SLC16A14: variants seen among roughly 807,000 people sequenced by gnomAD.
SLC16A14 encodes the protein solute carrier family 16 member 14.
SLC16A14 carries 14 observed loss-of-function variants against 35.8 expected under a neutral mutation model. The observed-to-expected ratio is 0.39, with a 90% confidence interval of 0.26 to 0.61. The LOEUF (loss-of-function observed/expected upper bound fraction) is 0.61, where lower values mean the gene tolerates loss of function less well. SLC16A14 is among the 20% of genes least tolerant of loss of function. The pLI, the probability that SLC16A14 is intolerant of heterozygous loss-of-function variation, is 0.51. For missense variants in SLC16A14, 533 were observed against 655.0 expected, an observed-to-expected ratio of 0.81 and a Z score of 2.03; for synonymous variants, 248 against 258.9, an observed-to-expected ratio of 0.96 and a Z score of 0.40.
intron 4 of SLC16A14, among the ~76,000 whole-genome samples, chr2:230,044,687 AGAT>A (rs1432391039): frequency 6.7e-6 from 1 of 148,436 alleles, no homozygotes; most frequent in Non-Finnish European, 1.5e-5. Context: ...CAGAACAGTA[AGAT>A]AATAAGTCTG....
chr2:230,053,506 G>C (rs771682517), intron 2 of SLC16A14, among the ~76,000 whole-genome samples: 1 of 152,156 alleles, frequency 6.6e-6, no homozygotes, highest in East Asian at 1.9e-4. Flanking sequence ...GTCCTGGCCA[G>C]GTGTGGTGGT....
At position 230,046,597 on chromosome 2, in the gene SLC16A14, C is replaced by A; in HGVS notation, c.529G>T (p.Val177Leu). The change falls in exon 4 of 5, where the codon GTG becomes TTG. Residue 177 changes from valine (V) to leucine (L), a missense_variant. Physicochemically the swap from Val to Leu is conservative, Grantham distance 32. Transcript: ENST00000295190. The surrounding 1 kb of genome is among the most constrained non-coding windows in gnomAD (Gnocchi z 5.0). ...TCTGCGCACAGGTACTTCAGCAGCACAGTCATTAGGAACGTACCGAATCCG... is the reference window on the plus strand; with the variant it reads ...TCTGCGCACAGGTACTTCAGCAGCAAAGTCATTAGGAACGTACCGAATCCG... ...GTGFGTFLMT[V>L]LLKYLCAEYG... The A allele has an allele frequency of 6.2e-7, 1 of 1,613,912 alleles. No homozygotes were observed. Among genetic ancestry groups the A allele is most frequent in the Non-Finnish European group, 8.5e-7 (1 of 1,180,040 alleles).
In SLC16A14 at chr2:230,039,012, G is replaced by A. The variant is rs140299226; in HGVS notation, c.1382-1481C>T. On this transcript the variant is annotated intron_variant, in intron 4 of 4. Coordinates refer to ENST00000295190, the MANE Select transcript of SLC16A14 (RefSeq NM_152527.5). Reference sequence around the variant, plus strand: ...AAAAATCGAATTGGCAAATGAATGCGTAAATGCACTTAAACTTCTCCCATC... The same window carrying A: ...AAAAATCGAATTGGCAAATGAATGCATAAATGCACTTAAACTTCTCCCATC... Among the ~76,000 whole-genome samples the A allele has an allele frequency of 7.3e-3, 1,108 of 152,094 alleles. 9 individuals are homozygous for A. Among genetic ancestry groups the A allele is most frequent in the Non-Finnish European group, 0.011 (729 of 67,994 alleles).
intron 2 of SLC16A14, among the ~76,000 whole-genome samples, chr2:230,051,654 A>G (rs979720312): frequency 1.3e-5 from 2 of 152,220 alleles, no homozygotes; most frequent in Non-Finnish European, 2.9e-5. Flanking sequence ...TGATCATTAC[A>G]AAGTTATGAA....
At chr2:230,040,537 A>T (rs553700035) in intron 4 of SLC16A14, among the ~76,000 whole-genome samples, 22 of 152,156 alleles carry the variant, frequency 1.4e-4, no homozygotes, top group African/African-American at 5.1e-4. Flanking sequence ...CATTATTATT[A>T]TTATTTTTTT....
chr2:230,036,699 T>C lies in SLC16A14; in HGVS notation c.*681A>G, dbSNP rs1577379061. 2.0e-5 allele frequency: 3 copies of C among 152,366 alleles called. No homozygotes were observed. The highest frequency in any genetic ancestry group is 4.1e-4 in the South Asian group (2 of 4,830). 9.4% of individuals were successfully genotyped at this position (152,366 alleles called of 1,614,324 possible). The stretch of plus-strand genomic sequence containing the variant: ...TTACTGTTATTTCTTTGTTAAGGTT[T>C]TGTCTCAAGATTCCATTTATAACTG... On this transcript the variant is annotated 3_prime_UTR_variant, in exon 5 of 5. Coordinates refer to ENST00000295190, the MANE Select transcript of SLC16A14 (RefSeq NM_152527.5).
At chr2:230,044,740 G>GTGTGTGTGTGTGTGTGTGTGTGTGTA (rs2077589595) in intron 4 of SLC16A14, among the ~76,000 whole-genome samples, 1 of 143,372 alleles carries the variant, frequency 7.0e-6, no homozygotes, top group African/African-American at 2.7e-5. Flanking sequence ...GTGTGTGTAT[G>GTGTGTGTGTGTGTGTGTGTGTGTGTA]TGTGTGTGTG....
At position 230,035,440 on chromosome 2, in the gene SLC16A14, G is replaced by A. The variant is rs567467912; in HGVS notation, c.*1940C>T. The stretch of plus-strand genomic sequence containing the variant: ...TGCCTCTTGTTAGTTTGATGTTGTC[G>A]GAAAATGAAAGTAATGAAGCAATGT... On this transcript the variant is annotated 3_prime_UTR_variant, in exon 5 of 5. Coordinates refer to ENST00000295190, the MANE Select transcript of SLC16A14 (RefSeq NM_152527.5). 3 of 152,676 alleles carry A rather than the reference G, an allele frequency of 2.0e-5. No homozygotes were observed. Among genetic ancestry groups the A allele is most frequent in the South Asian group, 2.1e-4 (1 of 4,818 alleles). The allele number at this position is 152,676 out of a possible 1,614,324, so 9.5% of individuals were successfully genotyped here.
rs980719347 is a variant in SLC16A14 at position 230,052,922 on chromosome 2, C to T, written c.260-3018G>A. Among the ~76,000 whole-genome samples the T allele has an allele frequency of 4.7e-5, 7 of 147,978 alleles. No homozygotes were observed. The East Asian group carries it at 1.4e-3, about 29-fold the overall frequency. The stretch of plus-strand genomic sequence containing the variant: ...TTCCTCCCTCCTCCCCCCCTTCCTT[C>T]CCTTTCTTTCTCTCTCTCTTTCTTT... On this transcript the variant is annotated intron_variant, in intron 2 of 4. Coordinates refer to ENST00000295190, the MANE Select transcript of SLC16A14 (RefSeq NM_152527.5).
At chr2:230,051,235 A>G in intron 2 of SLC16A14, among the ~76,000 whole-genome samples, 1 of 152,156 alleles carries the variant, frequency 6.6e-6, no homozygotes, top group African/African-American at 2.4e-5. Context: ...ATCACGGCTC[A>G]CTGCAGCCTT....
At chr2:230,057,273 A>C (rs2077713252) in intron 2 of SLC16A14, among the ~76,000 whole-genome samples, 1 of 152,192 alleles carries the variant, frequency 6.6e-6, no homozygotes, top group South Asian at 2.1e-4. Flanking sequence ...TGACAGTAAG[A>C]GTTATTTCAT....
intron 1 of SLC16A14, among the ~76,000 whole-genome samples, chr2:230,059,747 A>G (rs1204201910): frequency 6.6e-6 from 1 of 152,234 alleles, no homozygotes; most frequent in East Asian, 1.9e-4. Context: ...CTGACAGGTG[A>G]CAAGAAAGAT....
At chr2:230,058,980 T>C in intron 2 of SLC16A14, 114 bp downstream of exon 2, 4 of 1,473,904 alleles carry the variant, frequency 2.7e-6, no homozygotes, top group East Asian at 2.4e-5. Context: ...AATTGAAAAA[T>C]AGTAGCTAGT....
chr2:230,044,311 T>TA (rs372578960), intron 4 of SLC16A14, among the ~76,000 whole-genome samples: 16,113 of 134,232 alleles, frequency 0.12, 1,051 homozygotes, highest in Middle Eastern at 0.19. Context: ...CGTCTCTACT[T>TA]AAAAAAAAAA....
At chr2:230,058,669 G>T (rs893227108) in intron 2 of SLC16A14, among the ~76,000 whole-genome samples, 2 of 151,602 alleles carry the variant, frequency 1.3e-5, no homozygotes, top group African/African-American at 4.9e-5. Flanking sequence ...GTCTCACTTT[G>T]TCTCTCAGGC....
Position 230,038,471 on chromosome 2 carries a change from A to G in SLC16A14, c.1382-940T>C, listed in dbSNP as rs112641011. Among the ~76,000 whole-genome samples the G allele has an allele frequency of 4.1e-3, 632 of 152,360 alleles. 4 individuals are homozygous for G. The highest frequency in any genetic ancestry group is 0.02 in the Middle Eastern group (6 of 294). On this transcript the variant is annotated intron_variant, in intron 4 of 4. Transcript: ENST00000295190. This position sits in a 1 kb window ranked among gnomAD's most constrained non-coding sequence, Gnocchi z 4.4. ...TAATTCTAAGAATGGATCACAAGTC[A>G]TGGTTCCCACATAGTCAACTACGCA...
intron 1 of SLC16A14, among the ~76,000 whole-genome samples, chr2:230,064,957 C>A (rs2077781517): frequency 6.6e-6 from 1 of 152,124 alleles, no homozygotes; most frequent in African/African-American, 2.4e-5. Context: ...TTGCAGTGAG[C>A]CGAGATCGCA....
chr2:230,045,315 T>C (rs940041643), intron 4 of SLC16A14, among the ~76,000 whole-genome samples: 3 of 152,354 alleles, frequency 2.0e-5, no homozygotes, highest in African/African-American at 7.2e-5. Context: ...CCCACCACTT[T>C]GGAAGGCTGA....
chr2:230,047,439 A>G (rs1360536428), intron 3 of SLC16A14, among the ~76,000 whole-genome samples: 3 of 151,562 alleles, frequency 2.0e-5, no homozygotes, highest in African/African-American at 7.3e-5. Context: ...CAGTCTCCCA[A>G]GTAACTGGGA....
Sources: gnomAD v4.1 joint callset for allele counts (sites outside exome capture counted in the v4.1 genomes callset) on GRCh38, gnomAD v4.1.1 for gene constraint, Gnocchi (gnomAD v3.1) non-coding constraint, MANE v1.5 for transcripts, NCBI Gene and HGNC (gene_info 2026-07-23, HGNC 2026-07-21) for gene names.